CDR2: variants seen among roughly 807,000 people sequenced by gnomAD.
CDR2 encodes cerebellar degeneration related protein 2, also known as cerebellar degeneration-related protein 2.
A neutral mutation model predicts 48.4 loss-of-function variants in CDR2; 34 were observed. The observed-to-expected ratio is 0.70, with a 90% CI of 0.53 to 0.94. CDR2 has a LOEUF of 0.94. Ranked by LOEUF, CDR2 falls within the 40% of genes least tolerant of loss-of-function variation. The pLI, the probability that CDR2 is intolerant of heterozygous loss-of-function variation, is 0.00. For missense variants in CDR2, 498 were observed against 549.5 expected (o/e 0.91, Z 0.94); for synonymous variants, 240 against 219.7 (o/e 1.09, Z -0.82).
At chr16:22,360,545 T>G (rs1236775463) in intron 2 of CDR2, among the ~76,000 whole-genome samples, 1 of 152,092 alleles carries the variant, frequency 6.6e-6, no homozygotes, top group Non-Finnish European at 1.5e-5. Context: ...GTTGTCTATT[T>G]CCATAATAAG....
chr16:22,370,764 G>C (rs1271415381), intron 1 of CDR2, among the ~76,000 whole-genome samples: 1 of 152,170 alleles, frequency 6.6e-6, no homozygotes, highest in Non-Finnish European at 1.5e-5. Flanking sequence ...TAGTAGACCA[G>C]AGTTTACTGA....
At chr16:22,372,678 T>G (rs1263060916) in intron 1 of CDR2, among the ~76,000 whole-genome samples, 1 of 152,190 alleles carries the variant, frequency 6.6e-6, no homozygotes, top group East Asian at 1.9e-4. Context: ...TATAATAAAT[T>G]TGTCTCTTGG....
rs372109741 is a variant in CDR2 at position 22,347,655 on chromosome 16, G to A, written c.675C>T (p.Leu225=). ...KRVTMEEEYG[L]VLKENSELEQ... ...CCAGTTCACTGTTCTCCTTTAACAC[G>A]AGCCCATATTCCTCCTCCATAGTCA... is the stretch of plus-strand genomic sequence containing the variant. Residue 225 remains leucine, a synonymous_variant, in exon 5 of 5, where the codon CTC becomes CTT. Transcript: ENST00000268383. 6.8e-6 allele frequency: 11 copies of A among 1,613,922 alleles called. No individual in the cohort carries two copies. The highest frequency in any genetic ancestry group is 1.7e-5 in the Admixed American group (1 of 59,970).
At chr16:22,349,634 G>T in intron 3 of CDR2, 67 bp downstream of exon 3, 2 of 1,535,838 alleles carry the variant, frequency 1.3e-6, no homozygotes, top group Non-Finnish European at 1.8e-6. Context: ...CTGCAGCCAT[G>T]TTCTATTCTA....
intron 1 of CDR2, among the ~76,000 whole-genome samples, chr16:22,366,070 T>C (rs1598296150): frequency 1.3e-5 from 2 of 152,234 alleles, no homozygotes; most frequent in Non-Finnish European, 2.9e-5. Context: ...GTACTATTAA[T>C]AGTCATTGAT....
chr16:22,361,897 CTTT>C (rs11303236), intron 2 of CDR2, among the ~76,000 whole-genome samples: 6 of 68,144 alleles, frequency 8.8e-5, no homozygotes, highest in African/African-American at 1.1e-4. Context: ...GAATTTTATA[CTTT>C]TTTTTTTTTT....
In CDR2 at chr16:22,347,494, A is replaced by G. The variant is rs1335482332; in HGVS notation, c.836T>C (p.Leu279Pro). The stretch of plus-strand genomic sequence containing the variant: ...GCTGGGCTCTTTGAAAGGAACATAC[A>G]GAGAGTCTGGCACCAGCTTCTCAAC... The part of the protein sequence containing the change: ...NGVEKLVPDS[L>P]YVPFKEPSQS... Residue 279 changes from leucine to proline, a missense_variant, in exon 5 of 5, where the codon CTG becomes CCG. Coordinates refer to ENST00000268383, the MANE Select transcript of CDR2 (RefSeq NM_001802.2). 2 of 1,614,070 alleles carry G rather than the reference A, an allele frequency of 1.2e-6. No homozygotes were observed. Among genetic ancestry groups the G allele is most frequent in the South Asian group, 1.1e-5 (1 of 91,080 alleles).
chr16:22,364,848 TAACAGCA>T, intron 2 of CDR2, 47 bp downstream of exon 2: 1 of 1,027,652 alleles, frequency 9.7e-7, no homozygotes, highest in Non-Finnish European at 1.5e-6. Flanking sequence ...GTGATTGGCA[TAACAGCA>T]ACACATCGAA....
At chr16:22,353,661 T>C (rs2141845329) in intron 2 of CDR2, among the ~76,000 whole-genome samples, 1 of 152,302 alleles carries the variant, frequency 6.6e-6, no homozygotes, top group Middle Eastern at 3.4e-3. Flanking sequence ...CACCACTTAC[T>C]TGCCTTCCCA....
At chr16:22,349,241 A>C (rs576588040) in intron 4 of CDR2, 38 bp downstream of exon 4, 3 of 1,607,886 alleles carry the variant, frequency 1.9e-6, no homozygotes, top group Non-Finnish European at 2.6e-6. Flanking sequence ...GACATGAGAC[A>C]GTCCCTGCTG....
intron 1 of CDR2, among the ~76,000 whole-genome samples, chr16:22,373,603 T>C (rs1047845870): frequency 2.0e-5 from 3 of 152,270 alleles, no homozygotes; most frequent in Non-Finnish European, 4.4e-5. Context: ...TGTACCTCAA[T>C]GGATAAATGC....
At chr16:22,349,002 A>G in intron 4 of CDR2, among the ~76,000 whole-genome samples, 1 of 152,170 alleles carries the variant, frequency 6.6e-6, no homozygotes, top group East Asian at 1.9e-4. Flanking sequence ...TCTAATGTAA[A>G]ACACAACTCC....
At chr16:22,368,108 G>A (rs1244787252) in intron 1 of CDR2, among the ~76,000 whole-genome samples, 1 of 151,998 alleles carries the variant, frequency 6.6e-6, no homozygotes, top group African/African-American at 2.4e-5. Context: ...AAAAAATAAA[G>A]ACTTCCATTA....
chr16:22,359,044 T>C (rs2048994647), intron 2 of CDR2, among the ~76,000 whole-genome samples: 1 of 152,234 alleles, frequency 6.6e-6, no homozygotes, highest in East Asian at 1.9e-4. Flanking sequence ...CATTGTATGC[T>C]TGTATCAAAA....
intron 1 of CDR2, among the ~76,000 whole-genome samples, chr16:22,373,285 G>A (rs2049090839): frequency 6.6e-6 from 1 of 152,336 alleles, no homozygotes; most frequent in Middle Eastern, 3.4e-3. Flanking sequence ...CGGCAGGCCT[G>A]TTTCTAAGTG....
intron 2 of CDR2, among the ~76,000 whole-genome samples, chr16:22,361,951 G>GC (rs2049013262): frequency 7.0e-6 from 1 of 141,846 alleles, no homozygotes; most frequent in Non-Finnish European, 1.5e-5. Context: ...ACCCAGGCTG[G>GC]AGTGCAGTGG....
Position 22,347,654 on chromosome 16 carries a change from C to A in CDR2, c.676G>T (p.Val226Leu). The change falls in exon 5 of 5, where the codon GTG becomes TTG. Residue 226 changes from valine (V) to leucine (L), a missense_variant. Coordinates refer to ENST00000268383, the MANE Select transcript of CDR2 (RefSeq NM_001802.2). The part of the protein sequence containing the change: ...RVTMEEEYGL[V>L]LKENSELEQQ... ...TCCAGTTCACTGTTCTCCTTTAACA[C>A]GAGCCCATATTCCTCCTCCATAGTC... is the stretch of plus-strand genomic sequence containing the variant. The A allele has an allele frequency of 1.2e-6, 2 of 1,614,124 alleles. No homozygotes were observed. The highest frequency in any genetic ancestry group is 1.7e-6 in the Non-Finnish European group (2 of 1,180,034).
intron 2 of CDR2, among the ~76,000 whole-genome samples, chr16:22,362,376 T>C (rs1348070812): frequency 1.3e-5 from 2 of 152,246 alleles, no homozygotes; most frequent in Non-Finnish European, 2.9e-5. Context: ...TGTTTAATCA[T>C]CCTCGATACC....
At chr16:22,366,386 C>T (rs555883658) in intron 1 of CDR2, among the ~76,000 whole-genome samples, 1 of 151,972 alleles carries the variant, frequency 6.6e-6, no homozygotes, top group East Asian at 1.9e-4. Flanking sequence ...AACTTGATAG[C>T]GATAAATGCT....
Sources: gnomAD v4.1 joint callset for allele counts (sites outside exome capture counted in the v4.1 genomes callset) on GRCh38, gnomAD v4.1.1 for gene constraint, MANE v1.5 for transcripts, NCBI Gene and HGNC (gene_info 2026-07-23, HGNC 2026-07-21) for gene names.